The following HTT variants were observed in gnomAD, a reference collection of about 807,000 sequenced individuals.
The protein encoded by HTT is huntingtin, also known as huntington disease protein.
HTT carries 104 observed loss-of-function variants against 362.3 expected under a neutral mutation model. The observed-to-expected ratio is 0.29, with a 90% CI of 0.24 to 0.34. HTT has a LOEUF of 0.34. HTT is among the 10% of genes least tolerant of loss of function. HTT has a pLI of 1.00. For synonymous variants in HTT, 1,577 were observed against 1,548.7 expected (o/e 1.02, Z -0.43); for missense variants, 3,301 against 3,928.6 (o/e 0.84, Z 4.27).
In HTT at chr4:3,206,892, G is replaced by T. The variant is rs1315106177; in HGVS notation, c.5984G>T (p.Arg1995Met). 1 of 1,614,196 alleles carries T rather than the reference G, an allele frequency of 6.2e-7. No homozygotes were observed. Among genetic ancestry groups the T allele is most frequent in the South Asian group, 1.1e-5 (1 of 91,084 alleles). ...GCTGTGCTCACGCTGTATGTGGACA[G>T]GCTTCTGTGCACCCCTTTCCGTGTG... ...SGAVLTLYVDRLLCTPFRVLA... is the reference protein window; with the variant it reads ...SGAVLTLYVDMLLCTPFRVLA... The change falls in exon 44 of 67, where the codon AGG becomes ATG. Residue 1995 changes from arginine to methionine, a missense_variant. Around this residue, in one of 4 missense-constraint regions of HTT, gnomAD observed 2,316 missense variants for 2,658.5 expected, o/e 0.87. Coordinates refer to ENST00000355072, the MANE Select transcript of HTT (RefSeq NM_001388492.1). This position sits in a 1 kb window ranked among gnomAD's most constrained non-coding sequence, Gnocchi z 4.6.
intron 40 of HTT, among the ~76,000 whole-genome samples, chr4:3,198,300 C>T (rs1376704545): frequency 7.0e-6 from 1 of 142,378 alleles, no homozygotes; most frequent in Non-Finnish European, 1.5e-5. Flanking sequence ...ATCTTGGCCA[C>T]TGCTGCCCCT....
chr4:3,187,734 T>C lies in HTT; in HGVS notation c.5073T>C (p.Ile1691=), dbSNP rs997038915. ...RVLISQSTED[I]VLSRIQELSF... ...TGATTTCCCAGTCAACTGAAGATAT[T>C]GTTCTTTCTCGTATTCAGGAGCTCT... Residue 1691 remains isoleucine, a synonymous_variant, in exon 39 of 67, where the codon ATT becomes ATC. Transcript: ENST00000355072. 4 of 1,614,066 alleles carry C rather than the reference T, an allele frequency of 2.5e-6. No homozygotes were observed. Among genetic ancestry groups the C allele is most frequent in the Middle Eastern group, 1.6e-4 (1 of 6,084 alleles).
At chr4:3,160,951 T>G (rs1334368609) in intron 29 of HTT, among the ~76,000 whole-genome samples, 1 of 152,184 alleles carries the variant, frequency 6.6e-6, no homozygotes, top group Non-Finnish European at 1.5e-5. Flanking sequence ...CTTTAAGTTC[T>G]GGGTTACATG....
At position 3,130,033 on chromosome 4, in the gene HTT, G is replaced by A; in HGVS notation, c.1853G>A (p.Arg618Lys). Residue 618 changes from arginine (R) to lysine (K), a missense_variant, in exon 13 of 67, where the codon AGG (arginine) becomes AAG (lysine). By Grantham distance (26) the Arg-to-Lys change is conservative. Around this residue, in one of 4 missense-constraint regions of HTT, gnomAD observed 2,316 missense variants for 2,658.5 expected, o/e 0.87. Transcript: ENST00000355072. ...CCTGATGAAGCCTCGGAGGCCTTCA[G>A]GAACTCTTCCATGGGTATGTGGACT... ...ILPDEASEAF[R>K]NSSMALQQAH... The A allele has an allele frequency of 6.2e-7, 1 of 1,611,180 alleles. No individual in the cohort carries two copies. The highest frequency in any genetic ancestry group is 1.3e-5 in the African/African-American group (1 of 74,970).
rs1163109414 is a variant in HTT at position 3,120,362 on chromosome 4, C to G, written c.1069-866C>G. On this transcript the variant is annotated intron_variant, in intron 8 of 66. Coordinates refer to ENST00000355072, the MANE Select transcript of HTT (RefSeq NM_001388492.1). Reference sequence around the variant, plus strand: ...GAGTGCCTTGTATTTTATCTGGCAACTGTAATTAAAGGGAAAAAGAATAAA... The same window carrying G: ...GAGTGCCTTGTATTTTATCTGGCAAGTGTAATTAAAGGGAAAAAGAATAAA... 4.6e-5 allele frequency among the ~76,000 whole-genome samples: 7 copies of G among 152,134 alleles called. No homozygotes were observed. In the East Asian group the frequency reaches 1.2e-3, roughly 25 times the overall value.
At position 3,223,576 on chromosome 4, in the gene HTT, C is replaced by T; in HGVS notation, c.7625+16C>T. 1.3e-6 allele frequency: 2 copies of T among 1,593,918 alleles called. No homozygotes were observed. Among genetic ancestry groups the T allele is most frequent in the Non-Finnish European group, 1.7e-6 (2 of 1,167,944 alleles). On this transcript the variant is annotated intron_variant, in intron 55 of 66. Coordinates refer to ENST00000355072, the MANE Select transcript of HTT (RefSeq NM_001388492.1). ...TCGACACCAGGTTTGCTTGAGTTCC[C>T]ACGTGTCTCTGGGACATAGCAGGTG... is the stretch of plus-strand genomic sequence containing the variant.
rs561336868 is a variant in HTT, at chr4:3,121,273, G to A, written c.1114G>A (p.Val372Ile). 2 of 1,614,170 alleles carry A rather than the reference G, an allele frequency of 1.2e-6. No homozygotes were observed. Among genetic ancestry groups the A allele is most frequent in the East Asian group, 2.2e-5 (1 of 44,880 alleles). ...LHHTQHQDHN[V>I]VTGALELLQQ... The stretch of plus-strand genomic sequence containing the variant: ...TCATACACAGCACCAAGACCACAAT[G>A]TTGTGACCGGAGCCCTGGAGCTGTT... The change falls in exon 9 of 67, where the codon GTT becomes ATT. Residue 372 changes from valine (V) to isoleucine (I), a missense_variant. Val to Ile is a conservative substitution (Grantham distance 29). Transcript: ENST00000355072.
intron 10 of HTT, among the ~76,000 whole-genome samples, chr4:3,124,371 C>A (rs1715426440): frequency 6.6e-6 from 1 of 152,034 alleles, no homozygotes; most frequent in African/African-American, 2.4e-5. Context: ...TGGTATTTTT[C>A]CCCCATTGAG....
chr4:3,079,123 C>T (rs548228252), intron 1 of HTT, among the ~76,000 whole-genome samples: 2 of 151,852 alleles, frequency 1.3e-5, no homozygotes, highest in South Asian at 4.2e-4. Context: ...CTCGAACTCC[C>T]GGCCTCATGT....
intron 10 of HTT, among the ~76,000 whole-genome samples, chr4:3,124,056 C>G (rs1715412312): frequency 6.6e-6 from 1 of 152,168 alleles, no homozygotes; most frequent in African/African-American, 2.4e-5. Flanking sequence ...ATTAAGTAAA[C>G]ATTTCTTAAG....
At chr4:3,166,616 T>C (rs919793911) in intron 29 of HTT, among the ~76,000 whole-genome samples, 17 of 152,206 alleles carry the variant, frequency 1.1e-4, no homozygotes, top group African/African-American at 4.1e-4. Flanking sequence ...ACTGTGAGCA[T>C]AGAACCACCT....
At chr4:3,176,337 T>C (rs187024987) in intron 33 of HTT, among the ~76,000 whole-genome samples, 129 of 152,366 alleles carry the variant, frequency 8.5e-4, no homozygotes, top group African/African-American at 3.0e-3. Flanking sequence ...TGGGGTCTGC[T>C]TTTAATGAAG....
chr4:3,219,904 C>G (rs1049012603), intron 52 of HTT, among the ~76,000 whole-genome samples: 1 of 152,186 alleles, frequency 6.6e-6, no homozygotes, highest in African/African-American at 2.4e-5. Context: ...CTAACTCCTG[C>G]CTGCTTCTCC....
intron 2 of HTT, among the ~76,000 whole-genome samples, chr4:3,088,169 G>A (rs530329571): frequency 6.9e-6 from 1 of 144,808 alleles, no homozygotes; most frequent in South Asian, 2.2e-4. Flanking sequence ...TTTCCTCTTG[G>A]CCATTGCTTT....
chr4:3,201,057 G>A (rs745816128), intron 41 of HTT, among the ~76,000 whole-genome samples: 15 of 152,220 alleles, frequency 9.9e-5, no homozygotes, highest in Non-Finnish European at 1.9e-4. Flanking sequence ...GTGTTTAAAA[G>A]AAATAAACCA....
At chr4:3,102,478 C>T (rs1371947226) in intron 3 of HTT, among the ~76,000 whole-genome samples, 1 of 152,226 alleles carries the variant, frequency 6.6e-6, no homozygotes, top group Non-Finnish European at 1.5e-5. Flanking sequence ...TCGCTTTGCT[C>T]ATTTAAGGAC....
At chr4:3,075,196 CAG>C in intron 1 of HTT, 108 bp downstream of exon 1, 1 of 1,059,790 alleles carries the variant, frequency 9.4e-7, no homozygotes, top group Non-Finnish European at 1.2e-6. Flanking sequence ...CCCGGCCCCG[CAG>C]AGACAGAGTG....
chr4:3,091,900 C>A (rs947056055), intron 2 of HTT, among the ~76,000 whole-genome samples: 1 of 152,194 alleles, frequency 6.6e-6, no homozygotes, highest in Non-Finnish European at 1.5e-5. Context: ...AGTTTTACCT[C>A]TAGGGTGCTT....
chr4:3,176,004 T>G (rs1275323715), intron 33 of HTT, among the ~76,000 whole-genome samples: 1 of 151,070 alleles, frequency 6.6e-6, no homozygotes, highest in Admixed American at 6.6e-5. Context: ...TATCTGCTTG[T>G]TTTTTTTGTT....
Sources: allele counts gnomAD v4.1 joint callset (sites outside exome capture counted in the v4.1 genomes callset), GRCh38; gene constraint gnomAD v4.1.1; regional missense constraint gnomAD v4.1.1; non-coding constraint Gnocchi (gnomAD v3.1); transcripts MANE v1.5; gene names NCBI Gene and HGNC (gene_info 2026-07-23, HGNC 2026-07-21).